MED12L: variants seen among roughly 807,000 people sequenced by gnomAD.
MED12L encodes mediator of RNA polymerase II transcription subunit 12-like protein.
In MED12L, 60 loss-of-function variants were observed where a neutral mutation model predicts 281.3. The observed-to-expected ratio is 0.21, with a 90% CI of 0.17 to 0.26. The LOEUF (loss-of-function observed/expected upper bound fraction) is 0.26, where lower values mean the gene tolerates loss of function less well. Among genes scored for constraint, MED12L ranks in the 10% least tolerant of loss-of-function variants. The probability of loss-of-function intolerance (pLI) is 1.00; values close to 1 mark genes in which losing one functional copy is unlikely to be tolerated. For synonymous variants in MED12L, 974 were observed against 987.2 expected (o/e 0.99, Z 0.25); for missense variants, 2,146 against 2,680.9 (o/e 0.80, Z 4.41).
intron 11 of MED12L, among the ~76,000 whole-genome samples, chr3:151,174,816 C>T (rs1721844639): frequency 6.6e-6 from 1 of 152,092 alleles, no homozygotes; most frequent in African/African-American, 2.4e-5. Context: ...CTCCTGGGCT[C>T]ATGTGATCCC....
intron 16 of MED12L, among the ~76,000 whole-genome samples, chr3:151,248,647 A>G (rs1325201975): frequency 2.6e-5 from 4 of 152,144 alleles, no homozygotes; most frequent in Non-Finnish European, 4.4e-5. Flanking sequence ...ATGAAAGGAA[A>G]TCATGCCTTA....
chr3:151,165,557 T>G (rs769438114), intron 10 of MED12L, 38 bp downstream of exon 10: 8 of 1,520,258 alleles, frequency 5.3e-6, no homozygotes, highest in African/African-American at 1.4e-5. Flanking sequence ...CTTTTGAATG[T>G]TGGACTTTAT....
Position 151,294,477 on chromosome 3 carries a change from C to T in MED12L, c.2251-55582C>T, listed in dbSNP as rs374834030. Reference sequence around the variant, plus strand: ...AAGCAGGTAAAAAACACAGCCACAACAACCCTGATGCTCTGGTTATGTTTT... The same window carrying T: ...AAGCAGGTAAAAAACACAGCCACAATAACCCTGATGCTCTGGTTATGTTTT... On this transcript the variant is annotated intron_variant, in intron 16 of 44. Transcript: ENST00000687756. 9.9e-6 allele frequency: 16 copies of T among 1,614,094 alleles called. No individual in the cohort carries two copies. The highest frequency in any genetic ancestry group is 2.7e-5 in the African/African-American group (2 of 74,928).
chr3:151,287,196 C>G (rs1743632199), intron 16 of MED12L, among the ~76,000 whole-genome samples: 1 of 152,190 alleles, frequency 6.6e-6, no homozygotes, highest in Non-Finnish European at 1.5e-5. Context: ...GCAGAAAAAT[C>G]AAGACCTCAA....
intron 5 of MED12L, 119 bp downstream of exon 5, chr3:151,128,103 G>A (rs1714806759): frequency 2.3e-6 from 2 of 852,718 alleles, no homozygotes; most frequent in Admixed American, 2.4e-5. Flanking sequence ...TGGTGAGACT[G>A]ATTTGCTCGG....
rs1720198681 is a variant in MED12L, at chr3:151,436,303, T to TTGTC, written c.*3501_*3504dup. 1 of 160,422 alleles carries TTGTC rather than the reference T, an allele frequency of 6.2e-6. No individual in the cohort carries two copies. Among genetic ancestry groups the TTGTC allele is most frequent in the Non-Finnish European group, 1.4e-5 (1 of 72,884 alleles). 9.9% of individuals were successfully genotyped at this position (160,422 alleles called of 1,614,324 possible). A position where few individuals can be genotyped will look rare whatever the true frequency, so the allele number is the denominator to read the frequency against. Reference sequence around the variant, plus strand: ...AAGATTGCAGATTTAATATTTTCCATTGTCTCTGTTCTGAGTGCCATGCTT... The same window carrying TTGTC: ...AAGATTGCAGATTTAATATTTTCCATTGTCTGTCTCTGTTCTGAGTGCCATGCTT... On this transcript the variant is annotated 3_prime_UTR_variant, in exon 45 of 45. Transcript: ENST00000687756.
chr3:151,280,916 A>G (rs1342347329), intron 16 of MED12L, among the ~76,000 whole-genome samples: 1 of 152,002 alleles, frequency 6.6e-6, no homozygotes. Context: ...TCTAAGCTAG[A>G]AAGTAGCAGG....
chr3:151,357,361 C>A lies in MED12L; in HGVS notation c.2810C>A (p.Ala937Asp). Residue 937 changes from alanine (A) to aspartate (D), a missense_variant, in exon 20 of 45, where the codon GCC becomes GAC. This residue lies in a region of MED12L where 404 missense variants were observed against 603.5 expected (regional missense o/e 0.67). Transcript: ENST00000687756. ...SCLILNPDQTAQVFEGLCGVV... is the reference protein window; with the variant it reads ...SCLILNPDQTDQVFEGLCGVV... The stretch of plus-strand genomic sequence containing the variant: ...CTAATCTTGAATCCTGATCAGACAG[C>A]CCAGGTGTTTGAAGGGTTGGTATAT... 1 of 1,608,790 alleles carries A rather than the reference C, an allele frequency of 6.2e-7. No individual in the cohort carries two copies. Among genetic ancestry groups the A allele is most frequent in the Non-Finnish European group, 8.5e-7 (1 of 1,177,928 alleles).
chr3:151,384,071 T>G lies in MED12L; in HGVS notation c.4791-12T>G. On this transcript the variant is annotated splice_polypyrimidine_tract_variant and intron_variant, in intron 34 of 44. Coordinates refer to ENST00000687756, the MANE Select transcript of MED12L (RefSeq NM_001393769.1). Reference sequence around the variant, plus strand: ...TTCACTTTAAGATGAAAATAATTATTTTCTTTCTTAGTGAATTATTCACAA... The same window carrying G: ...TTCACTTTAAGATGAAAATAATTATGTTCTTTCTTAGTGAATTATTCACAA... 6.2e-7 allele frequency: 1 copy of G among 1,605,688 alleles called. No individual in the cohort carries two copies. Among genetic ancestry groups the G allele is most frequent in the Non-Finnish European group, 8.5e-7 (1 of 1,177,004 alleles).
At chr3:151,334,767 T>C (rs746347399) in intron 16 of MED12L, among the ~76,000 whole-genome samples, 1 of 152,204 alleles carries the variant, frequency 6.6e-6, no homozygotes, top group Non-Finnish European at 1.5e-5. Flanking sequence ...CCCAAAGTAC[T>C]GGGATTACAG....
At chr3:151,295,811 A>G (rs1370213158) in intron 16 of MED12L, among the ~76,000 whole-genome samples, 1 of 152,212 alleles carries the variant, frequency 6.6e-6, no homozygotes, top group Non-Finnish European at 1.5e-5. Flanking sequence ...ATTTTTTGTA[A>G]ATAAAAAGAA....
At chr3:151,092,625 T>C (rs1720205000) in intron 2 of MED12L, among the ~76,000 whole-genome samples, 1 of 152,228 alleles carries the variant, frequency 6.6e-6, no homozygotes, top group African/African-American at 2.4e-5. Context: ...TAGAGGCAGC[T>C]GGGGAAGTGG....
In MED12L at chr3:151,145,528, T is replaced by C. The variant is rs532825482; in HGVS notation, c.557-10633T>C. On this transcript the variant is annotated intron_variant, in intron 5 of 44. Coordinates refer to ENST00000687756, the MANE Select transcript of MED12L (RefSeq NM_001393769.1). Reference sequence around the variant, plus strand: ...AAATCTGGCGTATTCAAAACTAAACTGAAAACTGGGAAACCTGGGTAAGAT... The same window carrying C: ...AAATCTGGCGTATTCAAAACTAAACCGAAAACTGGGAAACCTGGGTAAGAT... Among the ~76,000 whole-genome samples the C allele has an allele frequency of 2.6e-5, 4 of 152,316 alleles. No homozygotes were observed. In the South Asian group the frequency reaches 8.3e-4, roughly 32 times the overall value.
rs149549002 is a variant in MED12L, at chr3:151,428,742, G to A, written c.6409-1557G>A. On this transcript the variant is annotated intron_variant, in intron 43 of 44. Transcript: ENST00000687756. Reference sequence around the variant, plus strand: ...GACAGGATTGCCACATAAAATACACGGCTCCCAGTTAAATTTGAGTTTCAG... The same window carrying A: ...GACAGGATTGCCACATAAAATACACAGCTCCCAGTTAAATTTGAGTTTCAG... 9.9e-4 allele frequency among the ~76,000 whole-genome samples: 150 copies of A among 152,210 alleles called. 3 individuals are homozygous for A. The East Asian group carries it at 0.027, about 28-fold the overall frequency.
chr3:151,190,864 G>C lies in MED12L; in HGVS notation c.1901G>C (p.Arg634Pro). 1 of 1,614,026 alleles carries C rather than the reference G, an allele frequency of 6.2e-7. No homozygotes were observed. The highest frequency in any genetic ancestry group is 8.5e-7 in the Non-Finnish European group (1 of 1,180,018). Residue 634 changes from arginine (R) to proline (P), a missense_variant, in exon 14 of 45, where the codon CGG (arginine) becomes CCG (proline). Arg to Pro is a moderately radical substitution (Grantham distance 103). Transcript: ENST00000687756. The part of the protein sequence containing the change: ...RGDLSVTAST[R>P]PRSPVGENAD... ...GATTTGTCAGTCACTGCCTCAACTC[G>C]GCCGCGGTCACCAGTAGGGGAAAAT...
chr3:151,419,296 T>C (rs1349968818), intron 43 of MED12L, among the ~76,000 whole-genome samples: 2 of 152,178 alleles, frequency 1.3e-5, no homozygotes, highest in Non-Finnish European at 2.9e-5. Flanking sequence ...GGTCCCACAA[T>C]AGGCTGTCTG....
chr3:151,190,988 A>G (rs1389105971), intron 14 of MED12L, 57 bp downstream of exon 14: 7 of 1,473,928 alleles, frequency 4.7e-6, no homozygotes, highest in South Asian at 1.2e-5. Context: ...ACTGGGAACC[A>G]TGTTCAAATG....
At chr3:151,161,974 G>A (rs977476307) in intron 8 of MED12L, among the ~76,000 whole-genome samples, 24 of 152,310 alleles carry the variant, frequency 1.6e-4, no homozygotes, top group Admixed American at 9.8e-4. Context: ...ATTAAGGAAT[G>A]TCGAGGAGTG....
chr3:151,104,712 C>T (rs566375629), intron 2 of MED12L, among the ~76,000 whole-genome samples: 3 of 152,304 alleles, frequency 2.0e-5, no homozygotes, highest in South Asian at 4.1e-4. Context: ...CATTTATTCT[C>T]TCATGGTTCT....
Sources: allele counts gnomAD v4.1 joint callset (sites outside exome capture counted in the v4.1 genomes callset), GRCh38; gene constraint gnomAD v4.1.1; regional missense constraint gnomAD v4.1.1; transcripts MANE v1.5; gene names NCBI Gene and HGNC (gene_info 2026-07-23, HGNC 2026-07-21).